The following VPS13D variants were observed in gnomAD, a reference collection of about 807,000 sequenced individuals.
The protein encoded by VPS13D is vacuolar protein sorting 13 homolog D.
VPS13D carries 187 observed loss-of-function variants against 461.9 expected under a neutral mutation model. That is an observed-to-expected ratio of 0.40 (90% CI 0.36 to 0.46). VPS13D has a LOEUF of 0.46. Among genes scored for constraint, VPS13D ranks in the 20% least tolerant of loss-of-function variants. VPS13D has a pLI of 0.60. For missense variants in VPS13D, 4,711 were observed against 5,364.9 expected (o/e 0.88, Z 3.81); for synonymous variants, 1,951 against 1,986.3 (o/e 0.98, Z 0.47).
intron 57 of VPS13D, among the ~76,000 whole-genome samples, chr1:12,381,961 T>TCTTTCTTTCTTC: frequency 7.0e-6 from 1 of 143,394 alleles, no homozygotes; most frequent in Non-Finnish European, 1.5e-5. Context: ...TTTCTTTCTT[T>TCTTTCTTTCTTC]CTTTCTTTCT....
chr1:12,260,973 C>G lies in VPS13D; in HGVS notation c.1238C>G (p.Ser413Cys), dbSNP rs758960081. Residue 413 changes from serine (S) to cysteine (C), a missense_variant, in exon 12 of 70, where the codon TCT becomes TGT. By Grantham distance (112) the Ser-to-Cys change is moderately radical. This residue lies in a region of VPS13D where 4,411 missense variants were observed against 4,937.8 expected (regional missense o/e 0.89). Coordinates refer to ENST00000620676, the MANE Select transcript of VPS13D (RefSeq NM_015378.4). Reference protein sequence around the residue: ...AESLREPQFDSPGACPGAPEP... With the variant: ...AESLREPQFDCPGACPGAPEP... Reference sequence around the variant, plus strand: ...AGTCTGCGGGAGCCTCAGTTTGATTCTCCAGGAGCCTGTCCGGGAGCCCCA... The same window carrying G: ...AGTCTGCGGGAGCCTCAGTTTGATTGTCCAGGAGCCTGTCCGGGAGCCCCA... The G allele has an allele frequency of 6.8e-6, 11 of 1,613,848 alleles. No individual in the cohort carries two copies. The highest frequency in any genetic ancestry group is 8.5e-6 in the Non-Finnish European group (10 of 1,180,016).
At chr1:12,353,202 A>C (rs1417993678) in intron 46 of VPS13D, among the ~76,000 whole-genome samples, 1 of 152,080 alleles carries the variant, frequency 6.6e-6, no homozygotes, top group East Asian at 1.9e-4. Flanking sequence ...GATGTATAGA[A>C]CAACATGGCT....
chr1:12,322,809 A>T (rs988067958), intron 34 of VPS13D, 63 bp downstream of exon 34: 101 of 1,493,082 alleles, frequency 6.8e-5, no homozygotes, highest in Non-Finnish European at 8.8e-5. Flanking sequence ...TTTGACTCTT[A>T]AAATTTTCTT....
chr1:12,293,236 A>G (rs553880968), intron 23 of VPS13D, among the ~76,000 whole-genome samples: 1 of 152,302 alleles, frequency 6.6e-6, no homozygotes, highest in Non-Finnish European at 1.5e-5. Context: ...GAGCAGGAAT[A>G]CTTACCTTTC....
At chr1:12,255,268 C>T (rs1266725453) in intron 7 of VPS13D, among the ~76,000 whole-genome samples, 3 of 152,088 alleles carry the variant, frequency 2.0e-5, no homozygotes, top group African/African-American at 7.2e-5. Context: ...AATTCGATTA[C>T]ATAAACCTGT....
chr1:12,290,376 C>T (rs1434188817), intron 22 of VPS13D, among the ~76,000 whole-genome samples: 1 of 152,118 alleles, frequency 6.6e-6, no homozygotes, highest in Non-Finnish European at 1.5e-5. Flanking sequence ...TTAGTGGTCT[C>T]ATCTCAGAAA....
chr1:12,292,475 T>A (rs1459971048), intron 23 of VPS13D, among the ~76,000 whole-genome samples: 1 of 143,412 alleles, frequency 7.0e-6, no homozygotes, highest in Admixed American at 7.4e-5. Flanking sequence ...GGTCTCGCTC[T>A]GTCACCCAGA....
At chr1:12,365,681 G>A (rs970046338) in intron 52 of VPS13D, among the ~76,000 whole-genome samples, 3 of 150,116 alleles carry the variant, frequency 2.0e-5, no homozygotes, top group Admixed American at 6.7e-5. Flanking sequence ...TCTAGCCTGG[G>A]TGACAGAGTG....
chr1:12,264,002 CTG>C (rs1230318639), intron 13 of VPS13D, among the ~76,000 whole-genome samples: 2 of 152,228 alleles, frequency 1.3e-5, no homozygotes, highest in African/African-American at 2.4e-5. Flanking sequence ...CTTTGTGTCT[CTG>C]TGTCACATTT....
intron 46 of VPS13D, 43 bp from the exon 47 acceptor site, chr1:12,353,931 C>A (rs945871890): frequency 6.3e-6 from 10 of 1,582,702 alleles, no homozygotes; most frequent in Admixed American, 1.8e-5. Flanking sequence ...AATTTAAGTT[C>A]TTCATTAAGT....
At chr1:12,486,464 G>C (rs1645798194) in intron 67 of VPS13D, among the ~76,000 whole-genome samples, 1 of 152,220 alleles carries the variant, frequency 6.6e-6, no homozygotes, top group Non-Finnish European at 1.5e-5. Context: ...TTTAAGTGCT[G>C]AGTGTCAACT....
At chr1:12,491,541 A>G (rs1199895394) in intron 67 of VPS13D, among the ~76,000 whole-genome samples, 1 of 151,906 alleles carries the variant, frequency 6.6e-6, no homozygotes, top group Admixed American at 6.5e-5. Context: ...CCTTGTTTGG[A>G]TTTACTGTTG....
rs184504926 is a variant in VPS13D at position 12,323,779 on chromosome 1, A to C, written c.7989A>C (p.Gln2663His). Residue 2663 changes from glutamine to histidine, a missense_variant and splice_region_variant, in exon 35 of 70, where the codon CAA becomes CAC. Transcript: ENST00000620676. ...GTCGCAAAGCTCTTTTGGCGTGTCA[A>C]GGTAATTTGAACAGGGTTCTGTTAC... The part of the protein sequence containing the change: ...DDCRKALLAC[Q>H]GQLKKAASWL... 5 of 1,614,060 alleles carry C rather than the reference A, an allele frequency of 3.1e-6. No homozygotes were observed. The highest frequency in any genetic ancestry group is 4.2e-6 in the Non-Finnish European group (5 of 1,179,944).
intron 34 of VPS13D, among the ~76,000 whole-genome samples, 157 bp from the exon 35 acceptor site, chr1:12,323,549 C>T (rs1013957547): frequency 1.3e-5 from 2 of 151,978 alleles, no homozygotes; most frequent in Admixed American, 1.3e-4. Context: ...TCAGGGTACA[C>T]TTGATAGAAT....
Position 12,343,143 on chromosome 1 carries a change from GATTTT to G in VPS13D, c.8885+110_8885+114del, listed in dbSNP as rs536446797. The G allele has an allele frequency of 3.8e-6, 4 of 1,047,126 alleles. No individual in the cohort carries two copies. The African/African-American group carries it at 4.9e-5, about 13-fold the overall frequency. The allele number at this position is 1,047,126 out of a possible 1,614,324, so 64.9% of individuals were successfully genotyped here. A position where few individuals can be genotyped will look rare whatever the true frequency, so the allele number is the denominator to read the frequency against. ...TTGTCTTTTTACTTTCCTTATAAAT[GATTTT>G]ATTTTATTTTATTTTATCTTATCTT... On this transcript the variant is annotated intron_variant, in intron 42 of 69. Transcript: ENST00000620676.
intron 26 of VPS13D, among the ~76,000 whole-genome samples, chr1:12,306,800 C>T (rs1642577754): frequency 6.6e-6 from 1 of 152,152 alleles, no homozygotes; most frequent in South Asian, 2.1e-4. Context: ...TGTTCCACCG[C>T]AGATCATCAG....
chr1:12,277,589 C>T lies in VPS13D; in HGVS notation c.4001C>T (p.Ala1334Val). Residue 1334 changes from alanine to valine, a missense_variant, in exon 19 of 70, where the codon GCC (alanine) becomes GTC (valine). By Grantham distance (64) the Ala-to-Val change is moderately conservative. Around this residue, in one of 3 missense-constraint regions of VPS13D, gnomAD observed 4,411 missense variants for 4,937.8 expected, o/e 0.89. Transcript: ENST00000620676. Reference protein sequence around the residue: ...KVTTVLATKTAEYSEMVSLFE... With the variant: ...KVTTVLATKTVEYSEMVSLFE... ...ACCACAGTACTAGCTACCAAGACTG[C>T]CGAGTATAGCGAGATGGTATCGCTC... The T allele has an allele frequency of 6.2e-7, 1 of 1,613,862 alleles. No individual in the cohort carries two copies. The highest frequency in any genetic ancestry group is 8.5e-7 in the Non-Finnish European group (1 of 1,180,014).
chr1:12,504,621 G>A (rs1646080106), intron 68 of VPS13D, among the ~76,000 whole-genome samples: 1 of 152,216 alleles, frequency 6.6e-6, no homozygotes, highest in East Asian at 1.9e-4. Context: ...AACGGACTCG[G>A]CCAGAGTCAG....
chr1:12,325,207 C>T (rs1643147848), intron 35 of VPS13D, among the ~76,000 whole-genome samples: 6 of 152,152 alleles, frequency 3.9e-5, no homozygotes, highest in Admixed American at 3.9e-4. Context: ...ATCCTCCTGC[C>T]TCAGCCTCCT....
Sources: gnomAD v4.1 joint callset for allele counts (sites outside exome capture counted in the v4.1 genomes callset) on GRCh38, gnomAD v4.1.1 for gene constraint, gnomAD v4.1.1 regional missense constraint, MANE v1.5 for transcripts, NCBI Gene and HGNC (gene_info 2026-07-23, HGNC 2026-07-21) for gene names.